Variants in SLC43A3 observed in about 807,000 individuals in gnomAD.
SLC43A3 encodes equilibrative nucleobase transporter 1.
SLC43A3 carries 33 observed loss-of-function variants against 53.3 expected under a neutral mutation model. The ratio of observed to expected loss-of-function variants is 0.62; its 90% CI spans 0.47 to 0.83. The LOEUF (loss-of-function observed/expected upper bound fraction) is 0.83. SLC43A3 is among the 40% of genes least tolerant of loss of function. The pLI is 0.00. For missense variants in SLC43A3, 530 were observed against 610.0 expected (o/e 0.87, Z 1.38); for synonymous variants, 236 against 246.2 (o/e 0.96, Z 0.39).
chr11:57,407,692 T>TGTGTG lies in SLC43A3; in HGVS notation c.*99_*100insCACAC. 218 of 679,470 alleles carry TGTGTG rather than the reference T, an allele frequency of 3.2e-4. No individual in the cohort carries two copies. The highest frequency in any genetic ancestry group is 4.6e-4 in the Admixed American group (20 of 43,110). 42.1% of individuals were successfully genotyped at this position (679,470 alleles called of 1,614,324 possible). A position where few individuals can be genotyped will look rare whatever the true frequency, so the allele number is the denominator to read the frequency against. On this transcript the variant is annotated 3_prime_UTR_variant, in exon 14 of 14. Transcript: ENST00000395124. Reference sequence around the variant, plus strand: ...GTGTGTGTGTGTGTGTGTGTGTGTGTTTTGCTGGGATAGGCAAAGTCTTTT... The same window carrying TGTGTG: ...GTGTGTGTGTGTGTGTGTGTGTGTGTGTGTGTTTGCTGGGATAGGCAAAGTCTTTT...
chr11:57,414,034 G>A (rs1009607595), intron 11 of SLC43A3, among the ~76,000 whole-genome samples: 8 of 152,128 alleles, frequency 5.3e-5, no homozygotes, highest in Admixed American at 3.3e-4. Context: ...TTTGCTTCAC[G>A]GATTATAACT....
At chr11:57,418,960 G>A (rs969442317) in intron 7 of SLC43A3, among the ~76,000 whole-genome samples, 1 of 151,876 alleles carries the variant, frequency 6.6e-6, no homozygotes, top group African/African-American at 2.4e-5. Flanking sequence ...AACATCAGCA[G>A]AAGAGGCAGG....
At chr11:57,422,195 G>A (rs1045759533) in intron 5 of SLC43A3, among the ~76,000 whole-genome samples, 2 of 152,188 alleles carry the variant, frequency 1.3e-5, no homozygotes, top group South Asian at 2.1e-4. Context: ...ATTTTTAAAG[G>A]ACACTTTATA....
chr11:57,410,082 G>C lies in SLC43A3; in HGVS notation c.1100C>G (p.Pro367Arg). 6.2e-7 allele frequency: 1 copy of C among 1,610,556 alleles called. No homozygotes were observed. The highest frequency in any genetic ancestry group is 8.5e-7 in the Non-Finnish European group (1 of 1,178,760). The stretch of plus-strand genomic sequence containing the variant: ...CAGCAGGGATGTCAGGGCCAGCGAA[G>C]GCACCGTCGAGCAGAGGGCCACCGC... Reference protein sequence around the residue: ...TLAVALCSTVPSLALTSLLCL... With the variant: ...TLAVALCSTVRSLALTSLLCL... Residue 367 changes from proline to arginine, a missense_variant, in exon 12 of 14, where the codon CCT becomes CGT. This residue lies in a region of SLC43A3 where 124 missense variants were observed against 166.4 expected (regional missense o/e 0.75). Coordinates refer to ENST00000395124, the MANE Select transcript of SLC43A3 (RefSeq NM_199329.3).
chr11:57,415,247 G>A lies in SLC43A3; in HGVS notation c.770-141C>T, dbSNP rs768455534. The A allele has an allele frequency of 1.6e-5, 24 of 1,537,814 alleles. No individual in the cohort carries two copies. The African/African-American group carries it at 3.1e-4, about 20-fold the overall frequency. On this transcript the variant is annotated intron_variant, in intron 9 of 13. Coordinates refer to ENST00000395124, the MANE Select transcript of SLC43A3 (RefSeq NM_199329.3). ...TCCCAGAACTCACCCGGCGTGCTCT[G>A]CACCTGCCTCGGACTCACACATCCC...
chr11:57,419,133 C>A (rs1038307942), intron 7 of SLC43A3, among the ~76,000 whole-genome samples: 1 of 152,120 alleles, frequency 6.6e-6, no homozygotes, highest in Non-Finnish European at 1.5e-5. Flanking sequence ...GTGGAGCCTC[C>A]TCGTGTGGCT....
At chr11:57,425,192 A>G (rs1943158384) in intron 4 of SLC43A3, among the ~76,000 whole-genome samples, 1 of 152,150 alleles carries the variant, frequency 6.6e-6, no homozygotes, top group Non-Finnish European at 1.5e-5. Context: ...GGGGTGAAGG[A>G]AGAGAAGAGC....
intron 4 of SLC43A3, 135 bp from the exon 5 acceptor site, chr11:57,424,163 T>A: frequency 1.2e-6 from 1 of 818,074 alleles, no homozygotes; most frequent in Non-Finnish European, 2.0e-6. Flanking sequence ...CGGGCACTGA[T>A]GCCTCTGAGC....
chr11:57,423,209 G>C (rs1590708397), intron 5 of SLC43A3, among the ~76,000 whole-genome samples: 1 of 152,160 alleles, frequency 6.6e-6, no homozygotes. Flanking sequence ...TGGGTGGAAG[G>C]GTGGTGGAAA....
intron 9 of SLC43A3, chr11:57,415,383 T>C: frequency 7.0e-7 from 1 of 1,438,450 alleles, no homozygotes; most frequent in Non-Finnish European, 9.2e-7. Flanking sequence ...CTTCTTGCAG[T>C]AATACCTTCC....
chr11:57,424,104 G>A, intron 4 of SLC43A3, 76 bp from the exon 5 acceptor site: 2 of 1,433,052 alleles, frequency 1.4e-6, no homozygotes. Flanking sequence ...ATTCTGCTCA[G>A]CCAGCCCACA....
Position 57,421,047 on chromosome 11 carries a change from G to A in SLC43A3, c.456C>T (p.Gly152=). The change falls in exon 7 of 14, where the codon GGC becomes GGT. Residue 152 remains glycine, a synonymous_variant. Coordinates refer to ENST00000395124, the MANE Select transcript of SLC43A3 (RefSeq NM_199329.3). ...GAGTGATGATGGTCGAACGGTGTTG[G>A]CCAAATAGGTTCCCAATCTGGGGAT... ...ITNLQIGNLF[G]QHRSTIITLY... is the part of the protein sequence containing the mutation. 1 of 1,612,832 alleles carries A rather than the reference G, an allele frequency of 6.2e-7. No individual in the cohort carries two copies. Among genetic ancestry groups the A allele is most frequent in the South Asian group, 1.1e-5 (1 of 91,044 alleles).
At chr11:57,411,731 G>A (rs1016397345) in intron 11 of SLC43A3, among the ~76,000 whole-genome samples, 2 of 151,956 alleles carry the variant, frequency 1.3e-5, no homozygotes. Flanking sequence ...CTAAGGATGA[G>A]AAAGGAATAA....
At chr11:57,421,471 TG>T in intron 5 of SLC43A3, 98 bp from the exon 6 acceptor site, 1 of 866,034 alleles carries the variant, frequency 1.2e-6, no homozygotes. Context: ...CCAACAATCC[TG>T]GTATCCAGGC....
chr11:57,423,940 C>T (rs1460442201), intron 5 of SLC43A3, 42 bp downstream of exon 5: 2 of 1,597,888 alleles, frequency 1.3e-6, no homozygotes, highest in East Asian at 2.2e-5. Flanking sequence ...CCACCAGGTG[C>T]CTCTGAGCTT....
chr11:57,417,731 C>T lies in SLC43A3; in HGVS notation c.671+17G>A, dbSNP rs1224524678. On this transcript the variant is annotated intron_variant, in intron 8 of 13. Transcript: ENST00000395124. ...CCAATGAGGGGCTCTGGCCCACAAT[C>T]ACCAGATAGTCCTTACCCATAGCTG... is the stretch of plus-strand genomic sequence containing the variant. 6.2e-7 allele frequency: 1 copy of T among 1,613,782 alleles called. No homozygotes were observed. The highest frequency in any genetic ancestry group is 1.7e-5 in the Admixed American group (1 of 59,968).
At chr11:57,408,131 A>G (rs1942284104) in intron 13 of SLC43A3, 2 of 443,650 alleles carry the variant, frequency 4.5e-6, no homozygotes, top group Non-Finnish European at 8.2e-6. Context: ...TTTCACAGAT[A>G]AAGAAACAGA....
Position 57,410,055 on chromosome 11 carries a change from C to T in SLC43A3, c.1127G>A (p.Cys376Tyr), listed in dbSNP as rs1942380851. Residue 376 changes from cysteine (C) to tyrosine (Y), a missense_variant, in exon 12 of 14, where the codon TGC becomes TAC. By Grantham distance (194) the Cys-to-Tyr change is radical. Transcript: ENST00000395124. ...VPSLALTSLL[C>Y]LGFALCASVP... ...TGAGGCACAGAGGGCGAAGCCCAGG[C>T]ACAGCAGGGATGTCAGGGCCAGCGA... 1 of 1,612,564 alleles carries T rather than the reference C, an allele frequency of 6.2e-7. No homozygotes were observed.
At chr11:57,415,715 C>T (rs1470860663) in intron 9 of SLC43A3, among the ~76,000 whole-genome samples, 3 of 152,050 alleles carry the variant, frequency 2.0e-5, no homozygotes, top group Non-Finnish European at 4.4e-5. Context: ...AGTTCAATGT[C>T]CTCCCTTGAT....
Sources: gnomAD v4.1 joint callset for allele counts (sites outside exome capture counted in the v4.1 genomes callset) on GRCh38, gnomAD v4.1.1 for gene constraint, gnomAD v4.1.1 regional missense constraint, MANE v1.5 for transcripts, NCBI Gene and HGNC (gene_info 2026-07-23, HGNC 2026-07-21) for gene names.